The following ADAMTS9 variants were observed in gnomAD, a reference collection of about 807,000 sequenced individuals.
The protein encoded by ADAMTS9 is A disintegrin and metalloproteinase with thrombospondin motifs 9.
In ADAMTS9, 107 loss-of-function variants were observed where a neutral mutation model predicts 257.1. That is an observed-to-expected ratio of 0.42 (90% CI 0.36 to 0.49). The LOEUF is 0.49. Ranked by LOEUF, ADAMTS9 falls within the 20% of genes least tolerant of loss-of-function variation. The probability of loss-of-function intolerance (pLI) is 0.03; values close to 1 mark genes in which losing one functional copy is unlikely to be tolerated. For missense variants in ADAMTS9, 2,353 were observed against 2,469.1 expected, an observed-to-expected ratio of 0.95 and a Z score of 1.00; for synonymous variants, 982 against 880.9, an observed-to-expected ratio of 1.11 and a Z score of -2.03.
At chr3:64,522,449 C>T in intron 38 of ADAMTS9, 189 bp from the exon 39 acceptor site, 2 of 472,486 alleles carry the variant, frequency 4.2e-6, no homozygotes, top group Non-Finnish European at 7.5e-6. Flanking sequence ...ATCCAGCCCA[C>T]CACCTGTTTC....
intron 11 of ADAMTS9, among the ~76,000 whole-genome samples, chr3:64,646,634 A>G (rs538502404): frequency 5.9e-5 from 9 of 152,364 alleles, no homozygotes; most frequent in African/African-American, 1.4e-4. Context: ...TCTGTTGCCA[A>G]TTTAAGTCAA....
At chr3:64,546,990 T>C (rs1271975955) in intron 31 of ADAMTS9, 38 bp from the exon 32 acceptor site, 10 of 1,572,106 alleles carry the variant, frequency 6.4e-6, no homozygotes, top group Non-Finnish European at 8.6e-6. Context: ...GTTCGAGCAG[T>C]TCCTGGGGGC....
chr3:64,604,493 T>G (rs2084524060), intron 23 of ADAMTS9, among the ~76,000 whole-genome samples, 162 bp from the exon 24 acceptor site: 1 of 152,220 alleles, frequency 6.6e-6, no homozygotes, highest in Admixed American at 6.5e-5. Flanking sequence ...CCCAATGTCT[T>G]CAACTGCAAA....
chr3:64,646,808 T>C (rs1317625342), intron 11 of ADAMTS9, among the ~76,000 whole-genome samples: 1 of 152,146 alleles, frequency 6.6e-6, no homozygotes, highest in Non-Finnish European at 1.5e-5. Context: ...GCCACTCCAG[T>C]AGGCCCTGCT....
chr3:64,544,643 C>T (rs1317102786), intron 32 of ADAMTS9, among the ~76,000 whole-genome samples: 1 of 152,142 alleles, frequency 6.6e-6, no homozygotes, highest in Non-Finnish European at 1.5e-5. Flanking sequence ...AAATGTTAGA[C>T]CTAAAACCAT....
chr3:64,645,646 A>C (rs944436295), intron 11 of ADAMTS9, among the ~76,000 whole-genome samples: 5 of 152,166 alleles, frequency 3.3e-5, no homozygotes, highest in African/African-American at 1.2e-4. Context: ...ACTCTTCAGG[A>C]TATTTATATA....
At chr3:64,636,232 T>C (rs904954744) in intron 12 of ADAMTS9, among the ~76,000 whole-genome samples, 1 of 152,208 alleles carries the variant, frequency 6.6e-6, no homozygotes, top group Non-Finnish European at 1.5e-5. Flanking sequence ...CTTTGACCAC[T>C]ATAACATGGC....
At chr3:64,588,315 C>T (rs2106773422) in intron 28 of ADAMTS9, 1 of 152,236 alleles carries the variant, frequency 6.6e-6, no homozygotes, top group South Asian at 2.1e-4. Flanking sequence ...ATTTCTCTTG[C>T]TCCCTTAGAA....
chr3:64,529,255 T>C (rs2082947795), intron 38 of ADAMTS9, among the ~76,000 whole-genome samples: 2 of 152,288 alleles, frequency 1.3e-5, no homozygotes, highest in East Asian at 3.9e-4. Context: ...GTGAACTTGA[T>C]ATTGAGACTG....
intron 3 of ADAMTS9, among the ~76,000 whole-genome samples, chr3:64,661,899 A>G (rs1260276385): frequency 2.6e-5 from 4 of 151,986 alleles, no homozygotes; most frequent in Non-Finnish European, 5.9e-5. Context: ...TAAAGTCTCT[A>G]TTAGTTTTCT....
At chr3:64,640,277 T>A (rs1394459241) in intron 12 of ADAMTS9, among the ~76,000 whole-genome samples, 3 of 152,242 alleles carry the variant, frequency 2.0e-5, no homozygotes, top group Non-Finnish European at 2.9e-5. Flanking sequence ...TACAGAGTAC[T>A]GAGACCAGGG....
At position 64,615,479 on chromosome 3, in the gene ADAMTS9, T is replaced by G. The variant is rs778918131; in HGVS notation, c.3031A>C (p.Lys1011Gln). The G allele has an allele frequency of 1.7e-5, 28 of 1,612,620 alleles. No homozygotes were observed. Among genetic ancestry groups the G allele is most frequent in the Non-Finnish European group, 2.3e-5 (27 of 1,179,450 alleles). ...WRYSAWTECSKSCDGGTQRRR... is the reference protein window; with the variant it reads ...WRYSAWTECSQSCDGGTQRRR... Reference sequence around the variant, plus strand: ...CTCTGGGTCCCACCGTCACAGCTTTTTGAACACTGTAGGGACAAAATAAAT... The same window carrying G: ...CTCTGGGTCCCACCGTCACAGCTTTGTGAACACTGTAGGGACAAAATAAAT... Residue 1011 changes from lysine (K) to glutamine (Q), a missense_variant, in exon 21 of 40, where the codon AAA becomes CAA. By Grantham distance (53) the Lys-to-Gln change is moderately conservative. Around this residue, in one of 3 missense-constraint regions of ADAMTS9, gnomAD observed 1,402 missense variants for 1,441.4 expected, o/e 0.97. Coordinates refer to ENST00000498707, the MANE Select transcript of ADAMTS9 (RefSeq NM_182920.2).
chr3:64,627,320 C>T (rs146171468), intron 16 of ADAMTS9, among the ~76,000 whole-genome samples: 296 of 152,036 alleles, frequency 1.9e-3, no homozygotes, highest in South Asian at 3.7e-3. Context: ...CAAATGATAT[C>T]GGATTCCTCT....
chr3:64,615,377 T>C lies in ADAMTS9; in HGVS notation c.3133A>G (p.Ile1045Val). 3 of 1,614,114 alleles carry C rather than the reference T, an allele frequency of 1.9e-6. No homozygotes were observed. The highest frequency in any genetic ancestry group is 1.1e-5 in the South Asian group (1 of 91,080). The stretch of plus-strand genomic sequence containing the variant: ...CAAGGGAACTCACTGCACCTCTGAA[T>C]GGTAACTTTCTCTTGATGTGTGCAT... ...SKCTHQEKVT[I>V]QRCSEFPCPQ... Residue 1045 changes from isoleucine (I) to valine (V), a missense_variant, in exon 21 of 40, where the codon ATT (isoleucine) becomes GTT (valine). Ile to Val is a conservative substitution (Grantham distance 29). Transcript: ENST00000498707.
chr3:64,655,946 G>A (rs575745653), intron 4 of ADAMTS9, 71 bp from the exon 5 acceptor site: 88 of 951,030 alleles, frequency 9.3e-5, no homozygotes, highest in Non-Finnish European at 1.4e-4. Context: ...CACGTCTTAC[G>A]TTGGGCTCCA....
chr3:64,575,198 C>A (rs2083808471), intron 28 of ADAMTS9, among the ~76,000 whole-genome samples: 1 of 152,134 alleles, frequency 6.6e-6, no homozygotes. Context: ...TAAATTTTGG[C>A]CCCCTGGCAA....
At chr3:64,533,996 ACT>A (rs1159668793) in intron 37 of ADAMTS9, among the ~76,000 whole-genome samples, 3 of 151,882 alleles carry the variant, frequency 2.0e-5, no homozygotes, top group African/African-American at 7.3e-5. Context: ...TGTCTCTCTC[ACT>A]CTCTCTTTCA....
intron 12 of ADAMTS9, among the ~76,000 whole-genome samples, chr3:64,638,394 T>C (rs975558396): frequency 5.3e-5 from 8 of 152,168 alleles, no homozygotes; most frequent in Non-Finnish European, 1.0e-4. Context: ...AAGCTATGTT[T>C]TGGAGGTTCT....
At chr3:64,523,770 G>A (rs958645330) in intron 38 of ADAMTS9, among the ~76,000 whole-genome samples, 6 of 152,114 alleles carry the variant, frequency 3.9e-5, no homozygotes, top group African/African-American at 1.4e-4. Flanking sequence ...AGAACTGAAA[G>A]CTCAATACCT....
Sources: gnomAD v4.1 joint callset for allele counts (sites outside exome capture counted in the v4.1 genomes callset) on GRCh38, gnomAD v4.1.1 for gene constraint, gnomAD v4.1.1 regional missense constraint, MANE v1.5 for transcripts, NCBI Gene and HGNC (gene_info 2026-07-23, HGNC 2026-07-21) for gene names.